Variants in LRPPRC observed in about 807,000 individuals in gnomAD.
LRPPRC encodes leucine-rich PPR motif-containing protein, mitochondrial.
LRPPRC carries 120 observed loss-of-function variants against 180.3 expected under a neutral mutation model. The observed-to-expected ratio is 0.67, with a 90% CI of 0.57 to 0.77. LRPPRC has a LOEUF of 0.77. LRPPRC is among the 30% of genes least tolerant of loss of function. The pLI is 0.00. For missense variants in LRPPRC, 2,012 were observed against 1,657.2 expected (o/e 1.21, Z -3.72); for synonymous variants, 723 against 600.0 (o/e 1.21, Z -3.00).
intron 29 of LRPPRC, among the ~76,000 whole-genome samples, chr2:43,914,017 A>T (rs1248420100): frequency 6.6e-6 from 1 of 152,250 alleles, no homozygotes; most frequent in Admixed American, 6.5e-5. Context: ...ATGGCTTGCT[A>T]AATAAAATAT....
Position 43,945,387 on chromosome 2 carries a change from G to A in LRPPRC, c.2241C>T (p.Asp747=). Reference sequence around the variant, plus strand: ...TTACAAGGCCTACATACTTGCCGGTGTCAAGGACAGCAGATGAATCTAAGC... The same window carrying A: ...TTACAAGGCCTACATACTTGCCGGTATCAAGGACAGCAGATGAATCTAAGC... ...FDRLDSSAVL[D]TGKYVGLVRV... The change falls in exon 22 of 38, where the codon GAC becomes GAT. Residue 747 remains aspartate (D), a synonymous_variant. Transcript: ENST00000260665. 6.2e-7 allele frequency: 1 copy of A among 1,612,142 alleles called. No homozygotes were observed. Among genetic ancestry groups the A allele is most frequent in the Non-Finnish European group, 8.5e-7 (1 of 1,178,428 alleles).
At position 43,943,755 on chromosome 2, in the gene LRPPRC, G is replaced by C; in HGVS notation, c.2436C>G (p.Ile812Met). ...IETVKQLHEA[I>M]VTLGLAEPST... Reference sequence around the variant, plus strand: ...ATGGTTCTGCTAACCCTAGAGTCACGATGGCTTCATGCAACTGTTTTACTG... The same window carrying C: ...ATGGTTCTGCTAACCCTAGAGTCACCATGGCTTCATGCAACTGTTTTACTG... The change falls in exon 23 of 38, where the codon ATC becomes ATG. Residue 812 changes from isoleucine to methionine, a missense_variant. By Grantham distance (10) the Ile-to-Met change is conservative. Coordinates refer to ENST00000260665, the MANE Select transcript of LRPPRC (RefSeq NM_133259.4). 6.2e-7 allele frequency: 1 copy of C among 1,613,478 alleles called. No homozygotes were observed. Among genetic ancestry groups the C allele is most frequent in the East Asian group, 2.2e-5 (1 of 44,870 alleles).
At chr2:43,914,710 T>C (rs11900511) in intron 29 of LRPPRC, among the ~76,000 whole-genome samples, 82,155 of 151,656 alleles carry the variant, frequency 0.54, 24,512 homozygotes, top group East Asian at 0.96. Context: ...TCCTGGGTGA[T>C]AGAGCAACAT....
At position 43,973,833 on chromosome 2, in the gene LRPPRC, T is replaced by A; in HGVS notation, c.1223A>T (p.Gln408Leu). 6.2e-7 allele frequency: 1 copy of A among 1,613,942 alleles called. No homozygotes were observed. Among genetic ancestry groups the A allele is most frequent in the Non-Finnish European group, 8.5e-7 (1 of 1,179,804 alleles). The change falls in exon 10 of 38, where the codon CAG (glutamine) becomes CTG (leucine). Residue 408 changes from glutamine (Q) to leucine (L), a missense_variant. Gln to Leu is a moderately radical substitution (Grantham distance 113). Coordinates refer to ENST00000260665, the MANE Select transcript of LRPPRC (RefSeq NM_133259.4). ...KEVQMHSFPL[Q>L]FTLHCALLAN... is the part of the protein sequence containing the mutation. Reference sequence around the variant, plus strand: ...GAGTAAAGCACAATGGAGGGTGAACTGCAGAGGAAAGGAGTGCATCTGGAC... The same window carrying A: ...GAGTAAAGCACAATGGAGGGTGAACAGCAGAGGAAAGGAGTGCATCTGGAC...
chr2:43,896,117 T>C (rs543080267), intron 35 of LRPPRC: 1 of 155,588 alleles, frequency 6.4e-6, no homozygotes, highest in Admixed American at 6.3e-5. Context: ...GGAGACACTC[T>C]GGAGTGTACA....
chr2:43,948,732 G>C (rs1425149712), intron 16 of LRPPRC, among the ~76,000 whole-genome samples: 1 of 152,120 alleles, frequency 6.6e-6, no homozygotes, highest in African/African-American at 2.4e-5. Context: ...TTCAGACCGA[G>C]TGACAGCTTT....
intron 1 of LRPPRC, among the ~76,000 whole-genome samples, chr2:43,994,502 T>G (rs1199652637): frequency 6.6e-6 from 1 of 152,156 alleles, no homozygotes; most frequent in Admixed American, 6.5e-5. Context: ...TCCCACCTTA[T>G]AGCTAAGGAA....
At chr2:43,918,810 G>GATATATATATATATAGAT (rs1315193377) in intron 27 of LRPPRC, among the ~76,000 whole-genome samples, 1 of 121,838 alleles carries the variant, frequency 8.2e-6, no homozygotes, top group Non-Finnish European at 1.6e-5. Context: ...TATATATATA[G>GATATATATATATATAGAT]ATATATATAT....
rs72798848 is a variant in LRPPRC, at chr2:43,901,730, G to A, written c.3365-206C>T. On this transcript the variant is annotated intron_variant, in intron 31 of 37. Transcript: ENST00000260665. The stretch of plus-strand genomic sequence containing the variant: ...TGACTATATAAGATATTAGAGGCCC[G>A]AGGAATTTCTTCTTTAAGTCACAGA... The A allele has an allele frequency of 6.7e-3, 3,672 of 544,506 alleles. 83 individuals carry two copies. Among genetic ancestry groups the A allele is most frequent in the African/African-American group, 0.051 (2,700 of 52,856 alleles). The allele number at this position is 544,506 out of a possible 1,614,324, so 33.7% of individuals were successfully genotyped here. A position where few individuals can be genotyped will look rare whatever the true frequency, so the allele number is the denominator to read the frequency against.
chr2:43,924,780 A>G (rs964051938), intron 27 of LRPPRC, among the ~76,000 whole-genome samples: 1 of 152,222 alleles, frequency 6.6e-6, no homozygotes, highest in Non-Finnish European at 1.5e-5. Flanking sequence ...AAGAACAGAA[A>G]GACCGTTCTT....
At chr2:43,975,582 T>G (rs1324458832) in intron 6 of LRPPRC, among the ~76,000 whole-genome samples, 1 of 151,434 alleles carries the variant, frequency 6.6e-6, no homozygotes, top group African/African-American at 2.4e-5. Context: ...GCCCAGTTTC[T>G]TTTTTCTTTT....
intron 5 of LRPPRC, 38 bp from the exon 6 acceptor site, chr2:43,976,267 T>C (rs1158705969): frequency 2.7e-6 from 3 of 1,111,778 alleles, no homozygotes; most frequent in African/African-American, 1.5e-5. Flanking sequence ...TGAAAGTATT[T>C]ATAAGAACAC....
chr2:43,933,872 C>A (rs1672178713), intron 25 of LRPPRC, among the ~76,000 whole-genome samples: 1 of 152,128 alleles, frequency 6.6e-6, no homozygotes, highest in Non-Finnish European at 1.5e-5. Context: ...AGAGGATTAG[C>A]AACTTTACAC....
intron 25 of LRPPRC, among the ~76,000 whole-genome samples, chr2:43,928,566 C>T (rs1455653696): frequency 6.6e-6 from 1 of 152,004 alleles, no homozygotes; most frequent in Non-Finnish European, 1.5e-5. Flanking sequence ...AAATCATGTG[C>T]ACAAGGGCTT....
rs1019035478 is a variant in LRPPRC, at chr2:43,978,185, G to A, written c.470-909C>T. 5.3e-5 allele frequency among the ~76,000 whole-genome samples: 8 copies of A among 152,224 alleles called. No individual in the cohort carries two copies. In the South Asian group the frequency reaches 6.2e-4, roughly 12 times the overall value. On this transcript the variant is annotated intron_variant, in intron 3 of 37. Transcript: ENST00000260665. ...TACAGATAGCTCAGATCTGTCAACA[G>A]CTCATTCTGTAATTTTGGACAAGTT...
chr2:43,897,911 T>C (rs1251403599), intron 34 of LRPPRC, among the ~76,000 whole-genome samples: 1 of 152,106 alleles, frequency 6.6e-6, no homozygotes, highest in Non-Finnish European at 1.5e-5. Flanking sequence ...TAATTAGATA[T>C]GTATATGCTT....
Position 43,889,314 on chromosome 2 carries a change from C to CAAAAAAAAAAAAAAA in LRPPRC, c.4128+405_4128+419dup, listed in dbSNP as rs780032604. On this transcript the variant is annotated intron_variant, in intron 37 of 37. Coordinates refer to ENST00000260665, the MANE Select transcript of LRPPRC (RefSeq NM_133259.4). ...TGGGCAACACAGCGAGACTCCATCTCAAAAAAAAAAAAAAAAAAAAAAAAA... is the reference window on the plus strand; with the variant it reads ...TGGGCAACACAGCGAGACTCCATCTCAAAAAAAAAAAAAAAAAAAAAAAAAAAAAAAAAAAAAAAA... Among the ~76,000 whole-genome samples, 3 of 38,340 alleles carry CAAAAAAAAAAAAAAA rather than the reference C, an allele frequency of 7.8e-5. 1 individual carries two copies. Among genetic ancestry groups the CAAAAAAAAAAAAAAA allele is most frequent in the African/African-American group, 4.1e-4 (3 of 7,368 alleles). 25.2% of individuals were successfully genotyped at this position (38,340 alleles called of 152,430 possible). A position where few individuals can be genotyped will look rare whatever the true frequency, so the allele number is the denominator to read the frequency against.
chr2:43,971,052 A>G (rs1673783497), intron 11 of LRPPRC, among the ~76,000 whole-genome samples: 1 of 151,640 alleles, frequency 6.6e-6, no homozygotes. Flanking sequence ...GGGAGCCGAG[A>G]TAGTGCCATT....
At chr2:43,995,553 C>G (rs901726023) in intron 1 of LRPPRC, among the ~76,000 whole-genome samples, 1 of 152,234 alleles carries the variant, frequency 6.6e-6, no homozygotes, top group East Asian at 1.9e-4. Context: ...AAGGTCCAGG[C>G]TGAAGTGGCG....
Sources: gnomAD v4.1 joint callset for allele counts (sites outside exome capture counted in the v4.1 genomes callset) on GRCh38, gnomAD v4.1.1 for gene constraint, MANE v1.5 for transcripts, NCBI Gene and HGNC (gene_info 2026-07-23, HGNC 2026-07-21) for gene names.